The following SLC25A16 variants were observed in gnomAD, a reference collection of about 807,000 sequenced individuals.
SLC25A16 encodes mitochondrial coenzyme A transporter SLC25A16.
In SLC25A16, 39 loss-of-function variants were observed where a neutral mutation model predicts 41.5. The observed-to-expected ratio is 0.94, with a 90% CI of 0.73 to 1.23. SLC25A16 has a LOEUF of 1.23. Ranked by LOEUF, SLC25A16 falls within the 50% of genes most tolerant of loss-of-function variation. The pLI is 0.00. For synonymous variants in SLC25A16, 146 were observed against 147.8 expected, an observed-to-expected ratio of 0.99 and a Z score of 0.09; for missense variants, 421 against 426.9, an observed-to-expected ratio of 0.99 and a Z score of 0.12.
rs1356825007 is a variant in SLC25A16, at chr10:68,527,459, A to C, written c.-84T>G. The C allele has an allele frequency of 7.6e-7, 1 of 1,322,984 alleles. No homozygotes were observed. Among genetic ancestry groups the C allele is most frequent in the African/African-American group, 1.6e-5 (1 of 63,816 alleles). The allele number at this position is 1,322,984 out of a possible 1,614,324, so 82.0% of individuals were successfully genotyped here. ...CATAGCCGGAACAGGCGGTGACAGG[A>C]GGCTGACCGCCCCGCCGGCGGGGCA... On this transcript the variant is annotated 5_prime_UTR_variant, in exon 1 of 9. Transcript: ENST00000609923.
chr10:68,487,712 A>G (rs540773186), intron 7 of SLC25A16, among the ~76,000 whole-genome samples: 1 of 152,364 alleles, frequency 6.6e-6, no homozygotes, highest in African/African-American at 2.4e-5. Flanking sequence ...CACTGGTGGT[A>G]AAATCAACCC....
At position 68,498,218 on chromosome 10, in the gene SLC25A16, G is replaced by T. The variant is rs553129679; in HGVS notation, c.422-4648C>A. Among the ~76,000 whole-genome samples the T allele has an allele frequency of 1.2e-4, 18 of 152,218 alleles. No homozygotes were observed. In the South Asian group the frequency reaches 3.7e-3, roughly 32 times the overall value. On this transcript the variant is annotated intron_variant, in intron 4 of 8. Coordinates refer to ENST00000609923, the MANE Select transcript of SLC25A16 (RefSeq NM_152707.4). Reference sequence around the variant, plus strand: ...CCAATTTTCAAAAATTCAAGAGTTGGACTACCAGCTCAGAAGAGCAATTTT... The same window carrying T: ...CCAATTTTCAAAAATTCAAGAGTTGTACTACCAGCTCAGAAGAGCAATTTT...
intron 6 of SLC25A16, among the ~76,000 whole-genome samples, chr10:68,491,922 G>A (rs775113981): frequency 1.5e-4 from 23 of 151,980 alleles, no homozygotes; most frequent in Non-Finnish European, 1.2e-4. Flanking sequence ...TCCGCCTCCC[G>A]GGTTCAAATG....
intron 4 of SLC25A16, chr10:68,499,669 C>T: frequency 2.8e-6 from 1 of 360,410 alleles, no homozygotes; most frequent in Non-Finnish European, 5.5e-6. Flanking sequence ...ATGTGTGATC[C>T]ATGCCCATCC....
At position 68,505,363 on chromosome 10, in the gene SLC25A16, A is replaced by C. The variant is rs192197092; in HGVS notation, c.357+1222T>G. 7.6e-4 allele frequency among the ~76,000 whole-genome samples: 115 copies of C among 152,086 alleles called. No homozygotes were observed. In the East Asian group the frequency reaches 0.021, roughly 28 times the overall value. On this transcript the variant is annotated intron_variant, in intron 3 of 8. Coordinates refer to ENST00000609923, the MANE Select transcript of SLC25A16 (RefSeq NM_152707.4). ...CTATCTCAAAAAAGAAAGAAAAGAA[A>C]AGAAAAGAGGGAGGGAAGGAGGGAA...
intron 1 of SLC25A16, among the ~76,000 whole-genome samples, chr10:68,520,223 C>T (rs1484242962): frequency 6.6e-6 from 1 of 151,586 alleles, no homozygotes. Flanking sequence ...TCCCAAAGTA[C>T]TGGGATTACA....
At chr10:68,517,281 T>C (rs1259050626) in intron 1 of SLC25A16, 2 of 985,538 alleles carry the variant, frequency 2.0e-6, no homozygotes, top group East Asian at 1.1e-4. Context: ...TCATTTTTCA[T>C]TGAAACAACC....
chr10:68,495,185 C>T (rs920528182), intron 4 of SLC25A16, among the ~76,000 whole-genome samples: 4 of 151,544 alleles, frequency 2.6e-5, no homozygotes, highest in African/African-American at 4.8e-5. Flanking sequence ...CCGAGGTAGG[C>T]GGATCACTTG....
chr10:68,488,414 A>T, intron 7 of SLC25A16, 53 bp downstream of exon 7: 1 of 1,268,176 alleles, frequency 7.9e-7, no homozygotes, highest in South Asian at 1.8e-5. Context: ...AATGCTGAAA[A>T]TCAGGACTGG....
Position 68,488,315 on chromosome 10 carries a change from C to T in SLC25A16, c.773+152G>A, listed in dbSNP as rs2052598617. On this transcript the variant is annotated intron_variant, in intron 7 of 8. Transcript: ENST00000609923. ...ATTTATAATATGCTTAAAGTGCACA[C>T]ACATCTGAAAAAATGTATTAAATTG... is the stretch of plus-strand genomic sequence containing the variant. 7.5e-6 allele frequency: 4 copies of T among 529,850 alleles called. No individual in the cohort carries two copies. The East Asian group carries it at 1.3e-4, about 18-fold the overall frequency. 32.8% of individuals were successfully genotyped at this position (529,850 alleles called of 1,614,324 possible).
chr10:68,503,022 G>A (rs2052884087), intron 4 of SLC25A16: 1 of 151,506 alleles, frequency 6.6e-6, no homozygotes, highest in Admixed American at 6.6e-5. Flanking sequence ...GAAAGGAGAA[G>A]GAAAGAAATT....
chr10:68,504,017 CTTTTTTTTTTTTT>C (rs148285905), intron 3 of SLC25A16, among the ~76,000 whole-genome samples: 9 of 70,872 alleles, frequency 1.3e-4, no homozygotes, highest in Admixed American at 3.3e-4. Context: ...TAAACTGCTA[CTTTTTTTTTTTTT>C]TTTTTTTTTT....
chr10:68,527,418 G>C lies in SLC25A16; in HGVS notation c.-43C>G, dbSNP rs1332160020. On this transcript the variant is annotated 5_prime_UTR_variant, in exon 1 of 9. Transcript: ENST00000609923. ...CAGGAGCCTAGGTTGCCAACTTACA[G>C]AACACCGGACGGGACCATAGCCGGA... 1 of 1,436,638 alleles carries C rather than the reference G, an allele frequency of 7.0e-7. No homozygotes were observed. Among genetic ancestry groups the C allele is most frequent in the South Asian group, 1.5e-5 (1 of 68,584 alleles). The allele number at this position is 1,436,638 out of a possible 1,614,324, so 89.0% of individuals were successfully genotyped here.
intron 1 of SLC25A16, among the ~76,000 whole-genome samples, chr10:68,526,058 G>C (rs992606515): frequency 6.6e-6 from 1 of 151,938 alleles, no homozygotes; most frequent in African/African-American, 2.4e-5. Context: ...GGAAGGGAAA[G>C]ACCTGAACGT....
At chr10:68,484,626 T>A (rs530300867) in intron 8 of SLC25A16, among the ~76,000 whole-genome samples, 9 of 151,792 alleles carry the variant, frequency 5.9e-5, no homozygotes, top group South Asian at 2.1e-4. Flanking sequence ...TTAAAAAAAA[T>A]TTTTTTAGAG....
At chr10:68,500,292 A>G (rs1171354888) in intron 4 of SLC25A16, among the ~76,000 whole-genome samples, 1 of 152,190 alleles carries the variant, frequency 6.6e-6, no homozygotes, top group Non-Finnish European at 1.5e-5. Context: ...CAATCACAGG[A>G]GAAAAATATA....
chr10:68,517,327 AT>A, intron 1 of SLC25A16: 1 of 811,534 alleles, frequency 1.2e-6, no homozygotes, highest in Non-Finnish European at 1.5e-6. Context: ...CCATTTATAC[AT>A]TCAGCAAATA....
chr10:68,483,668 T>A, intron 8 of SLC25A16, 80 bp from the exon 9 acceptor site: 2 of 1,251,154 alleles, frequency 1.6e-6, no homozygotes. Context: ...TCAATTTTGT[T>A]TTTTTGAGAT....
At chr10:68,491,827 T>C (rs947359083) in intron 6 of SLC25A16, among the ~76,000 whole-genome samples, 6 of 152,094 alleles carry the variant, frequency 3.9e-5, no homozygotes, top group Admixed American at 3.9e-4. Context: ...GATTGATTGA[T>C]TGATTGACTG....
Sources: allele counts gnomAD v4.1 joint callset (sites outside exome capture counted in the v4.1 genomes callset), GRCh38; gene constraint gnomAD v4.1.1; transcripts MANE v1.5; gene names NCBI Gene and HGNC (gene_info 2026-07-23, HGNC 2026-07-21).